The following ROBO1 variants were observed in gnomAD, a reference collection of about 807,000 sequenced individuals.
The protein encoded by ROBO1 is roundabout homolog 1.
In ROBO1, 149 loss-of-function variants were observed where a neutral mutation model predicts 195.9. The ratio of observed to expected loss-of-function variants is 0.76; its 90% CI spans 0.67 to 0.87. The LOEUF is 0.87. ROBO1 is among the 40% of genes least tolerant of loss of function. The pLI, the probability that ROBO1 is intolerant of heterozygous loss-of-function variation, is 0.00. For synonymous variants in ROBO1, 816 were observed against 733.2 expected, an observed-to-expected ratio of 1.11 and a Z score of -1.82; for missense variants, 1,933 against 2,068.3, an observed-to-expected ratio of 0.93 and a Z score of 1.27.
intron 2 of ROBO1, among the ~76,000 whole-genome samples, chr3:79,267,259 C>A (rs1358925688): frequency 6.6e-6 from 1 of 151,438 alleles, no homozygotes; most frequent in Non-Finnish European, 1.5e-5. Flanking sequence ...GTATTCTTTA[C>A]TATTTATAGT....
At chr3:79,486,831 G>A (rs541517679) in intron 2 of ROBO1, among the ~76,000 whole-genome samples, 2 of 152,196 alleles carry the variant, frequency 1.3e-5, no homozygotes, top group South Asian at 4.1e-4. Flanking sequence ...CTCCCTATCT[G>A]CCCAAAAGTA....
At chr3:79,239,288 T>C (rs1218450666) in intron 2 of ROBO1, among the ~76,000 whole-genome samples, 2 of 152,184 alleles carry the variant, frequency 1.3e-5, no homozygotes, top group Non-Finnish European at 2.9e-5. Context: ...ACAGGTATCA[T>C]GTAAAAGTTA....
intron 1 of ROBO1, among the ~76,000 whole-genome samples, chr3:79,599,123 T>A (rs1209560111): frequency 6.6e-6 from 1 of 152,050 alleles, no homozygotes; most frequent in Non-Finnish European, 1.5e-5. Context: ...AAAGAAAGGA[T>A]AAATAATTAT....
intron 1 of ROBO1, among the ~76,000 whole-genome samples, chr3:79,744,584 A>G (rs1180487262): frequency 6.6e-6 from 1 of 152,116 alleles, no homozygotes; most frequent in East Asian, 1.9e-4. Context: ...GACCCTCACC[A>G]AGAGACCAAC....
At chr3:79,550,195 G>GAAAGAAAGAAAGGAAAA in intron 2 of ROBO1, among the ~76,000 whole-genome samples, 36 of 100,838 alleles carry the variant, frequency 3.6e-4, no homozygotes, top group African/African-American at 1.6e-3. Flanking sequence ...AAGAAAGAAA[G>GAAAGAAAGAAAGGAAAA]GAAAAGAAAA....
At chr3:79,616,915 C>T (rs1944841846) in intron 1 of ROBO1, among the ~76,000 whole-genome samples, 1 of 152,170 alleles carries the variant, frequency 6.6e-6, no homozygotes, top group Admixed American at 6.5e-5. Flanking sequence ...GCAGACCAGC[C>T]ACAGAGCTGT....
rs1022413483 is a variant in ROBO1 at position 78,665,821 on chromosome 3, T to TA, written c.1966+2061dup. On this transcript the variant is annotated intron_variant, in intron 14 of 30. Coordinates refer to ENST00000464233, the MANE Select transcript of ROBO1 (RefSeq NM_002941.4). The stretch of plus-strand genomic sequence containing the variant: ...GCTAGTGGATTGAGGAGCTGAAATT[T>TA]AAAAAAAAAAAGTCTTTGATTTCAC... Among the ~76,000 whole-genome samples the TA allele has an allele frequency of 8.7e-4, 128 of 146,490 alleles. No individual in the cohort carries two copies. In the Middle Eastern group the frequency reaches 0.01, roughly 12 times the overall value.
intron 3 of ROBO1, among the ~76,000 whole-genome samples, chr3:78,948,562 T>C (rs910289649): frequency 1.3e-5 from 2 of 152,160 alleles, no homozygotes; most frequent in East Asian, 1.9e-4. Flanking sequence ...AATATCATAC[T>C]GAATGGGCAA....
At chr3:79,653,110 CA>C (rs1560072145) in intron 1 of ROBO1, among the ~76,000 whole-genome samples, 1 of 151,580 alleles carries the variant, frequency 6.6e-6, no homozygotes, top group Non-Finnish European at 1.5e-5. Flanking sequence ...ATGAAAAAAT[CA>C]ATTCCATATC....
chr3:78,920,652 T>TTTTTTA, intron 4 of ROBO1, among the ~76,000 whole-genome samples: 1 of 137,584 alleles, frequency 7.3e-6, no homozygotes, highest in Non-Finnish European at 1.5e-5. Context: ...TTTTTTTTTT[T>TTTTTTA]GACAGAAGGT....
chr3:78,919,922 G>A (rs2038842219), intron 4 of ROBO1, among the ~76,000 whole-genome samples: 1 of 152,088 alleles, frequency 6.6e-6, no homozygotes, highest in Non-Finnish European at 1.5e-5. Flanking sequence ...AATCCTAAAT[G>A]CAAAACATAA....
intron 3 of ROBO1, among the ~76,000 whole-genome samples, chr3:78,947,092 C>T (rs1302416607): frequency 6.6e-6 from 1 of 151,152 alleles, no homozygotes; most frequent in Admixed American, 6.6e-5. Context: ...TAACACCCCA[C>T]TATCAACATT....
chr3:79,422,242 C>T (rs530116662), intron 2 of ROBO1, among the ~76,000 whole-genome samples: 24 of 149,388 alleles, frequency 1.6e-4, no homozygotes, highest in Admixed American at 6.7e-4. Flanking sequence ...ATTGTAAATA[C>T]GTACAAGTGA....
intron 2 of ROBO1, among the ~76,000 whole-genome samples, chr3:79,450,607 T>C (rs1044514251): frequency 6.6e-6 from 1 of 152,110 alleles, no homozygotes; most frequent in Non-Finnish European, 1.5e-5. Context: ...TGATGGCTTA[T>C]TTGACACTGA....
At chr3:79,286,214 T>A (rs948633023) in intron 2 of ROBO1, among the ~76,000 whole-genome samples, 1 of 152,328 alleles carries the variant, frequency 6.6e-6, no homozygotes, top group East Asian at 1.9e-4. Context: ...GGCATTTAGC[T>A]TAAAAGAAGT....
rs552711748 is a variant in ROBO1 at position 78,924,079 on chromosome 3, A to G, written c.499+14522T>C. Among the ~76,000 whole-genome samples, 257 of 152,258 alleles carry G rather than the reference A, an allele frequency of 1.7e-3. 1 individual carries two copies. Among genetic ancestry groups the G allele is most frequent in the Middle Eastern group, 0.014 (4 of 294 alleles). ...CATATACACACATACATGTATAAGT[A>G]TGTATACATACACATACACACATTA... On this transcript the variant is annotated intron_variant, in intron 4 of 30. Coordinates refer to ENST00000464233, the MANE Select transcript of ROBO1 (RefSeq NM_002941.4).
intron 1 of ROBO1, among the ~76,000 whole-genome samples, chr3:79,729,272 C>T (rs1041153769): frequency 6.6e-6 from 1 of 152,146 alleles, no homozygotes; most frequent in Non-Finnish European, 1.5e-5. Context: ...GTAATTCTCA[C>T]AGCACGACTT....
At chr3:78,974,720 A>G (rs1479835118) in intron 3 of ROBO1, among the ~76,000 whole-genome samples, 1 of 152,132 alleles carries the variant, frequency 6.6e-6, no homozygotes, top group Non-Finnish European at 1.5e-5. Flanking sequence ...TGGTTTTTCT[A>G]TCCAAGTCCC....
chr3:79,100,015 G>C (rs537052065), intron 3 of ROBO1, among the ~76,000 whole-genome samples: 1 of 151,660 alleles, frequency 6.6e-6, no homozygotes, highest in African/African-American at 2.4e-5. Flanking sequence ...CAGGGTTAGC[G>C]GGGAAAGAAA....
Sources: allele counts gnomAD v4.1 joint callset (sites outside exome capture counted in the v4.1 genomes callset), GRCh38; gene constraint gnomAD v4.1.1; transcripts MANE v1.5; gene names NCBI Gene and HGNC (gene_info 2026-07-23, HGNC 2026-07-21).